PDE4D: variants seen among roughly 807,000 people sequenced by gnomAD.
PDE4D encodes the protein 3',5'-cyclic-AMP phosphodiesterase 4D.
PDE4D carries 24 observed loss-of-function variants against 87.4 expected under a neutral mutation model. The ratio of observed to expected loss-of-function variants is 0.27; its 90% CI spans 0.20 to 0.39. The LOEUF (loss-of-function observed/expected upper bound fraction) is 0.39. Among genes scored for constraint, PDE4D ranks in the 10% least tolerant of loss-of-function variants. The pLI is 1.00. For missense variants in PDE4D, 714 were observed against 1,041.0 expected (o/e 0.69, Z 4.32); for synonymous variants, 384 against 383.2 (o/e 1.00, Z -0.02).
chr5:60,134,288 G>C (rs1354215295), intron 2 of PDE4D, among the ~76,000 whole-genome samples: 1 of 152,136 alleles, frequency 6.6e-6, no homozygotes, highest in East Asian at 1.9e-4. Context: ...CTTGAGGCCA[G>C]GAGTTTGAGA....
At chr5:59,664,402 T>A (rs1580256839) in intron 1 of PDE4D, among the ~76,000 whole-genome samples, 1 of 152,246 alleles carries the variant, frequency 6.6e-6, no homozygotes, top group Admixed American at 6.5e-5. Flanking sequence ...TTGACAAGTA[T>A]ATTTTGATAA....
At chr5:59,658,616 G>A (rs913270145) in intron 1 of PDE4D, among the ~76,000 whole-genome samples, 3 of 152,072 alleles carry the variant, frequency 2.0e-5, no homozygotes, top group Middle Eastern at 3.2e-3. Context: ...CTCCTGACCT[G>A]GTGATCCGCC....
chr5:59,154,537 C>G (rs1779891384), intron 5 of PDE4D, among the ~76,000 whole-genome samples: 1 of 151,984 alleles, frequency 6.6e-6, no homozygotes, highest in Admixed American at 6.6e-5. Flanking sequence ...GAAATATTAG[C>G]AGGTTAGAGA....
At chr5:59,651,645 T>C (rs1168323445) in intron 1 of PDE4D, among the ~76,000 whole-genome samples, 1 of 152,128 alleles carries the variant, frequency 6.6e-6, no homozygotes, top group Admixed American at 6.5e-5. Flanking sequence ...AATTGCTGAG[T>C]TTTATGAAAA....
chr5:59,329,284 C>T (rs902202747), intron 1 of PDE4D, among the ~76,000 whole-genome samples: 4 of 152,100 alleles, frequency 2.6e-5, no homozygotes, highest in African/African-American at 7.2e-5. Flanking sequence ...TGATTCAGAG[C>T]CCCCAAATCA....
chr5:59,200,684 CATA>C, intron 2 of PDE4D, among the ~76,000 whole-genome samples: 2 of 96,806 alleles, frequency 2.1e-5, no homozygotes, highest in Non-Finnish European at 4.3e-5. Flanking sequence ...TACACGTATA[CATA>C]CATATGTGTA....
chr5:59,819,411 T>C (rs1393134983), intron 1 of PDE4D, among the ~76,000 whole-genome samples: 1 of 152,256 alleles, frequency 6.6e-6, no homozygotes. Context: ...TTCACTTTTT[T>C]TCTCCCATTC....
rs180837518 is a variant in PDE4D at position 59,059,593 on chromosome 5, T to C, written c.809-20622A>G. 3.9e-4 allele frequency among the ~76,000 whole-genome samples: 60 copies of C among 152,308 alleles called. 1 individual carries two copies. The East Asian group carries it at 7.5e-3, about 19-fold the overall frequency. On this transcript the variant is annotated intron_variant, in intron 5 of 14. Transcript: ENST00000340635. ...ACTTTTATTTTGTGCTATCAGTTTT[T>C]CCTTTCCCAAATTGCAGGTGGAGAT...
upstream of PDE4D, among the ~76,000 whole-genome samples, chr5:59,894,575 A>C (rs995426758): frequency 6.6e-6 from 1 of 152,148 alleles, no homozygotes; most frequent in Non-Finnish European, 1.5e-5. Context: ...AGTCGTCCTT[A>C]GTTGCAGAGC....
At position 59,455,844 on chromosome 5, in the gene PDE4D, C is replaced by A. The variant is rs563538904; in HGVS notation, c.456-239876G>T. 2.6e-5 allele frequency among the ~76,000 whole-genome samples: 4 copies of A among 152,352 alleles called. No individual in the cohort carries two copies. The East Asian group carries it at 5.8e-4, about 22-fold the overall frequency. On this transcript the variant is annotated intron_variant, in intron 1 of 14. Coordinates refer to ENST00000340635, the MANE Select transcript of PDE4D (RefSeq NM_001104631.2). ...TGTGAGACATGGAGTTAAAGGAGAT[C>A]ATTTTGGAGCTTTAAGATTTGACTG... is the stretch of plus-strand genomic sequence containing the variant.
chr5:60,045,300 C>G (rs1323783762), intron 2 of PDE4D, among the ~76,000 whole-genome samples: 1 of 151,832 alleles, frequency 6.6e-6, no homozygotes, highest in Non-Finnish European at 1.5e-5. Context: ...AATTTTCTCC[C>G]ATTTTGTAGG....
At chr5:59,345,461 G>C (rs774343619) in intron 1 of PDE4D, among the ~76,000 whole-genome samples, 1 of 152,142 alleles carries the variant, frequency 6.6e-6, no homozygotes, top group Admixed American at 6.5e-5. Context: ...AGCTGCATAT[G>C]GATCAAACAG....
At chr5:59,901,667 A>T (rs780903124) in intron 3 of PDE4D, among the ~76,000 whole-genome samples, 1 of 152,134 alleles carries the variant, frequency 6.6e-6, no homozygotes, top group Non-Finnish European at 1.5e-5. Context: ...AATAGATGAA[A>T]AAATTGACCA....
chr5:60,263,147 C>T (rs1252748210), intron 1 of PDE4D, among the ~76,000 whole-genome samples: 2 of 152,164 alleles, frequency 1.3e-5, no homozygotes, highest in Non-Finnish European at 2.9e-5. Flanking sequence ...CCAATGGAGC[C>T]GCAAAGCCTC....
intron 1 of PDE4D, among the ~76,000 whole-genome samples, chr5:59,274,170 T>C (rs1213702595): frequency 6.6e-6 from 1 of 152,142 alleles, no homozygotes; most frequent in Non-Finnish European, 1.5e-5. Flanking sequence ...TGTTTGCAGA[T>C]GCAATCTTTT....
intron 2 of PDE4D, among the ~76,000 whole-genome samples, chr5:59,196,537 C>T (rs1745490840): frequency 6.6e-6 from 1 of 152,080 alleles, no homozygotes; most frequent in Non-Finnish European, 1.5e-5. Context: ...AAACAGTAGC[C>T]TAACTCTCAC....
chr5:60,095,188 A>T (rs750797140), intron 2 of PDE4D, among the ~76,000 whole-genome samples: 4 of 152,044 alleles, frequency 2.6e-5, no homozygotes, highest in Non-Finnish European at 5.9e-5. Flanking sequence ...TCCTAATGTT[A>T]TCCTTCCTCC....
Position 59,728,892 on chromosome 5 carries a change from GA to G in PDE4D, c.455+164275del, listed in dbSNP as rs890569851. Among the ~76,000 whole-genome samples the G allele has an allele frequency of 2.6e-5, 4 of 152,020 alleles. No homozygotes were observed. In the South Asian group the frequency reaches 6.2e-4, roughly 24 times the overall value. On this transcript the variant is annotated intron_variant, in intron 1 of 14. Coordinates refer to ENST00000340635, the MANE Select transcript of PDE4D (RefSeq NM_001104631.2). ...TACATATGTTATTTCATATAAATGT[GA>G]AAAAAATATTTTATGTTTTTATATG... is the stretch of plus-strand genomic sequence containing the variant.
At position 59,731,101 on chromosome 5, in the gene PDE4D, C is replaced by G. The variant is rs1306824328; in HGVS notation, c.455+162067G>C. 2.0e-5 allele frequency among the ~76,000 whole-genome samples: 3 copies of G among 151,864 alleles called. No individual in the cohort carries two copies. The East Asian group carries it at 5.8e-4, about 29-fold the overall frequency. The stretch of plus-strand genomic sequence containing the variant: ...TTATATAAGCCTAATGTTAATCACC[C>G]AATAATATGTCTAGTTAAAAAAAAC... On this transcript the variant is annotated intron_variant, in intron 1 of 14. Coordinates refer to ENST00000340635, the MANE Select transcript of PDE4D (RefSeq NM_001104631.2).
Sources: allele counts gnomAD v4.1 joint callset (sites outside exome capture counted in the v4.1 genomes callset), GRCh38; gene constraint gnomAD v4.1.1; transcripts MANE v1.5; gene names NCBI Gene and HGNC (gene_info 2026-07-23, HGNC 2026-07-21).